Variants in CAST observed in about 807,000 individuals in gnomAD.
CAST encodes the protein MIR583 host.
A neutral mutation model predicts 119.6 loss-of-function variants in CAST; 76 were observed. The observed-to-expected ratio is 0.64, with a 90% CI of 0.53 to 0.77. The LOEUF (loss-of-function observed/expected upper bound fraction) is 0.77, where lower values mean the gene tolerates loss of function less well. Among genes scored for constraint, CAST ranks in the 30% least tolerant of loss-of-function variants. CAST has a pLI of 0.00. For synonymous variants in CAST, 319 were observed against 331.6 expected, an observed-to-expected ratio of 0.96 and a Z score of 0.41; for missense variants, 953 against 946.5, an observed-to-expected ratio of 1.01 and a Z score of -0.09.
At chr5:95,976,973 T>C in the CAST span, among the ~76,000 whole-genome samples, 2 of 152,350 alleles carry the variant, frequency 1.3e-5, no homozygotes, top group African/African-American at 2.4e-5. Context: ...TTAACCTCTC[T>C]GTGCCTTAGT....
At chr5:96,165,629 C>T in the CAST span, among the ~76,000 whole-genome samples, 1 of 152,156 alleles carries the variant, frequency 6.6e-6, no homozygotes, top group South Asian at 2.1e-4. Flanking sequence ...TCCTTATAAT[C>T]AATTGATTCT....
At chr5:96,665,567 GA>G (rs1749207582) in intron 1 of CAST, among the ~76,000 whole-genome samples, 1 of 152,072 alleles carries the variant, frequency 6.6e-6, no homozygotes, top group African/African-American at 2.4e-5. Context: ...GGTGGTCACA[GA>G]CAATTTTGAG....
intron 1 of CAST, among the ~76,000 whole-genome samples, chr5:96,579,104 T>G (rs1240327402): frequency 2.0e-5 from 3 of 152,148 alleles, no homozygotes; most frequent in African/African-American, 7.2e-5. Flanking sequence ...GGGAAACCAT[T>G]TGTGTGGCTG....
intron 1 of CAST, among the ~76,000 whole-genome samples, chr5:96,642,581 G>T (rs181019381): frequency 6.8e-6 from 1 of 147,696 alleles, no homozygotes; most frequent in African/African-American, 2.5e-5. Flanking sequence ...TGCTCCTGCT[G>T]CCCAGGCTGG....
intron 1 of CAST, among the ~76,000 whole-genome samples, chr5:96,673,958 G>C (rs948276041): frequency 1.3e-5 from 2 of 152,164 alleles, no homozygotes; most frequent in Non-Finnish European, 2.9e-5. Context: ...CCATGAGAGT[G>C]TTTCTTCTGG....
the CAST span, among the ~76,000 whole-genome samples, chr5:96,331,177 C>T: frequency 6.6e-6 from 1 of 152,192 alleles, no homozygotes; most frequent in African/African-American, 2.4e-5. Context: ...GGAGTCCTAT[C>T]ACCTTATTTT....
At chr5:95,962,137 G>T in the CAST span, 1,522 of 348,660 alleles carry the variant, frequency 4.4e-3, 20 homozygotes, top group African/African-American at 0.03. Context: ...CTGGCTTGGG[G>T]ACTCCCCTGC....
chr5:95,965,786 C>G, the CAST span, among the ~76,000 whole-genome samples: 2 of 152,278 alleles, frequency 1.3e-5, no homozygotes, highest in South Asian at 4.1e-4. Flanking sequence ...AAAAGTACTT[C>G]AGCAGATATT....
At chr5:96,133,792 G>A in the CAST span, among the ~76,000 whole-genome samples, 1 of 152,152 alleles carries the variant, frequency 6.6e-6, no homozygotes, top group African/African-American at 2.4e-5. Context: ...TAGAAAAGGG[G>A]GGCTGCATTG....
chr5:96,018,481 C>A, the CAST span, among the ~76,000 whole-genome samples: 1 of 152,182 alleles, frequency 6.6e-6, no homozygotes, highest in South Asian at 2.1e-4. Context: ...TTTATTTCAT[C>A]CCTAGACAAT....
the CAST span, among the ~76,000 whole-genome samples, chr5:96,336,017 T>C: frequency 6.6e-6 from 1 of 152,192 alleles, no homozygotes; most frequent in Non-Finnish European, 1.5e-5. Context: ...TTTCTAGACC[T>C]GGCCCACTCC....
At chr5:96,014,275 G>C in the CAST span, among the ~76,000 whole-genome samples, 1 of 151,766 alleles carries the variant, frequency 6.6e-6, no homozygotes. Flanking sequence ...TGTCCCACTG[G>C]AAGGTTATCA....
At chr5:96,722,559 A>G in intron 3 of CAST, 80 bp from the exon 4 acceptor site, 9 of 1,073,632 alleles carry the variant, frequency 8.4e-6, no homozygotes, top group Non-Finnish European at 1.3e-5. Context: ...CAAGGGCAGT[A>G]TGGTTAAGAG....
chr5:96,106,076 G>A, the CAST span, among the ~76,000 whole-genome samples: 97 of 152,226 alleles, frequency 6.4e-4, no homozygotes, highest in Non-Finnish European at 1.2e-3. Flanking sequence ...GGGATCGGTG[G>A]TGATATCCCC....
At chr5:95,974,418 T>C in the CAST span, among the ~76,000 whole-genome samples, 1 of 152,252 alleles carries the variant, frequency 6.6e-6, no homozygotes. Flanking sequence ...AATAGAGAGA[T>C]AAATGTTGTT....
upstream of CAST, among the ~76,000 whole-genome samples, chr5:96,521,884 C>T (rs940809652): frequency 5.9e-5 from 9 of 152,082 alleles, no homozygotes; most frequent in Admixed American, 1.3e-4. Flanking sequence ...TTTGGGAGGC[C>T]GAGGCAGGCA....
At chr5:96,691,735 C>T (rs1274533895) in intron 2 of CAST, among the ~76,000 whole-genome samples, 2 of 152,238 alleles carry the variant, frequency 1.3e-5, no homozygotes, top group African/African-American at 4.8e-5. Flanking sequence ...TGTTCAGAAA[C>T]TTGCCTAAGA....
At chr5:96,356,930 C>T in the CAST span, among the ~76,000 whole-genome samples, 1 of 152,122 alleles carries the variant, frequency 6.6e-6, no homozygotes, top group Non-Finnish European at 1.5e-5. Flanking sequence ...GGCAGTATGG[C>T]CATTTTCACA....
chr5:96,665,860 A>G (rs575489305), intron 1 of CAST, among the ~76,000 whole-genome samples: 2 of 152,298 alleles, frequency 1.3e-5, no homozygotes, highest in African/African-American at 4.8e-5. Context: ...GTAGACATCT[A>G]GATTTATGTG....
Sources: gnomAD v4.1 joint callset for allele counts (sites outside exome capture counted in the v4.1 genomes callset) on GRCh38, gnomAD v4.1.1 for gene constraint, MANE v1.5 for transcripts, NCBI Gene and HGNC (gene_info 2026-07-23, HGNC 2026-07-21) for gene names.